The following CENPN variants were observed in gnomAD, a reference collection of about 807,000 sequenced individuals.
CENPN encodes interphase centromere complex protein 32.
Under a neutral mutation model 48.6 loss-of-function variants are expected in CENPN, and 36 were observed. The observed-to-expected ratio is 0.74, with a 90% CI of 0.57 to 0.98. The LOEUF (loss-of-function observed/expected upper bound fraction) is 0.98, where lower values mean the gene tolerates loss of function less well. CENPN is among the 50% of genes least tolerant of loss of function. The pLI is 0.00. For synonymous variants in CENPN, 166 were observed against 135.2 expected, an observed-to-expected ratio of 1.23 and a Z score of -1.58; for missense variants, 439 against 399.2, an observed-to-expected ratio of 1.10 and a Z score of -0.85.
intron 9 of CENPN, among the ~76,000 whole-genome samples, chr16:81,027,106 A>G (rs1418944653): frequency 1.3e-5 from 2 of 152,008 alleles, no homozygotes; most frequent in Non-Finnish European, 2.9e-5. Flanking sequence ...CCATAAGTTG[A>G]TAATTATTTT....
chr16:81,011,178 G>A (rs188726841), intron 1 of CENPN, among the ~76,000 whole-genome samples: 3 of 152,238 alleles, frequency 2.0e-5, no homozygotes, highest in African/African-American at 7.2e-5. Flanking sequence ...TTTTGCACAT[G>A]CTGTTCCTTC....
chr16:81,012,206 T>G, intron 2 of CENPN, 96 bp downstream of exon 2: 2 of 1,101,758 alleles, frequency 1.8e-6, no homozygotes, highest in South Asian at 3.2e-5. Context: ...GTAAGGTAGC[T>G]GCTAAACTAC....
intron 3 of CENPN, 193 bp from the exon 4 acceptor site, chr16:81,017,133 A>C (rs1264909886): frequency 1.9e-5 from 9 of 472,300 alleles, no homozygotes; most frequent in Non-Finnish European, 3.3e-5. Context: ...AGTTGAATTA[A>C]GTAATTATGA....
intron 3 of CENPN, among the ~76,000 whole-genome samples, chr16:81,016,176 GT>G (rs1361246102): frequency 2.0e-5 from 3 of 151,988 alleles, no homozygotes; most frequent in Non-Finnish European, 4.4e-5. Flanking sequence ...CCTGAAAGGT[GT>G]TTTCTGTCAT....
Position 81,014,197 on chromosome 16 carries a change from T to C in CENPN, c.217+16T>C, listed in dbSNP as rs2151680256. On this transcript the variant is annotated intron_variant, in intron 3 of 10. Coordinates refer to ENST00000305850, the MANE Select transcript of CENPN (RefSeq NM_001100624.3). ...GACATCATTTGTAAGTGTCAGTGAT[T>C]TGTATTTATACTTAACCAATCAGTT... The C allele has an allele frequency of 6.2e-7, 1 of 1,606,442 alleles. No individual in the cohort carries two copies. Among genetic ancestry groups the C allele is most frequent in the Middle Eastern group, 1.7e-4 (1 of 6,046 alleles).
intron 9 of CENPN, 21 bp from the exon 10 acceptor site, chr16:81,028,150 T>G: frequency 6.4e-7 from 1 of 1,554,274 alleles, no homozygotes; most frequent in South Asian, 1.1e-5. Context: ...TTAATAGTCA[T>G]TTATAAATGT....
chr16:81,007,318 G>A (rs1969457569), intron 1 of CENPN, 41 bp downstream of exon 1: 1 of 152,676 alleles, frequency 6.5e-6, no homozygotes, highest in East Asian at 1.9e-4. Context: ...GCCCCGGAGG[G>A]TGTGGGGCCT....
chr16:81,018,173 C>T (rs996077328), intron 5 of CENPN, among the ~76,000 whole-genome samples: 2 of 145,108 alleles, frequency 1.4e-5, no homozygotes, highest in Non-Finnish European at 1.5e-5. Context: ...AATTTTTAAT[C>T]TTTTTTTTTT....
chr16:81,023,862 C>T (rs919778522), intron 7 of CENPN: 4 of 152,194 alleles, frequency 2.6e-5, no homozygotes, highest in Non-Finnish European at 5.9e-5. Context: ...GGGCGGATCA[C>T]AAAGTCAGGA....
intron 6 of CENPN, 45 bp downstream of exon 6, chr16:81,020,321 C>T (rs1453065704): frequency 1.3e-6 from 2 of 1,551,712 alleles, no homozygotes; most frequent in African/African-American, 2.8e-5. Context: ...ATTATCCTAT[C>T]TCAAAGGTCT....
At chr16:81,026,159 A>ATATATATGTGTGTG (rs1567555462) in intron 8 of CENPN, among the ~76,000 whole-genome samples, 2 of 110,896 alleles carry the variant, frequency 1.8e-5, no homozygotes, top group African/African-American at 6.3e-5. Context: ...ATATATGTGT[A>ATATATATGTGTGTG]TATATATGTG....
chr16:81,028,145 A>G (rs534295880), intron 9 of CENPN, 26 bp from the exon 10 acceptor site: 192 of 1,510,228 alleles, frequency 1.3e-4, no homozygotes, highest in Non-Finnish European at 1.7e-4. Flanking sequence ...TATGTTTAAT[A>G]GTCATTTATA....
intron 3 of CENPN, among the ~76,000 whole-genome samples, chr16:81,016,378 A>T (rs1208282313): frequency 6.6e-6 from 1 of 152,204 alleles, no homozygotes; most frequent in East Asian, 1.9e-4. Flanking sequence ...CACGCAGTTA[A>T]GTTTAGACCT....
chr16:81,032,616 C>G, downstream of CENPN: 1 of 1,613,600 alleles, frequency 6.2e-7, no homozygotes, highest in Non-Finnish European at 8.5e-7. Context: ...CTGGAAGCCA[C>G]AGTCAAGGGA....
At position 81,028,657 on chromosome 16, in the gene CENPN, G is replaced by A. The variant is rs1342738996; in HGVS notation, c.*6G>A. The A allele has an allele frequency of 9.9e-6, 16 of 1,609,140 alleles. No individual in the cohort carries two copies. The highest frequency in any genetic ancestry group is 1.4e-5 in the Non-Finnish European group (16 of 1,178,928). On this transcript the variant is annotated 3_prime_UTR_variant, in exon 11 of 11. Transcript: ENST00000305850. ...TTAAAATTAGAGATAAATAAGACGT[G>A]CGTGGTTTCTTAAGCACAGCTCCTC...
Position 81,011,915 on chromosome 16 carries a change from T to G in CENPN, c.-10-15T>G, listed in dbSNP as rs913773080. ...TTGGTTAATACTTTGTTGTGCTGTT[T>G]TTGTTTTGTAAAAGTGCCAAAGAGA... On this transcript the variant is annotated splice_polypyrimidine_tract_variant and intron_variant, in intron 1 of 10. Coordinates refer to ENST00000305850, the MANE Select transcript of CENPN (RefSeq NM_001100624.3). 6.2e-7 allele frequency: 1 copy of G among 1,606,840 alleles called. No individual in the cohort carries two copies. The highest frequency in any genetic ancestry group is 8.5e-7 in the Non-Finnish European group (1 of 1,174,290).
intron 9 of CENPN, among the ~76,000 whole-genome samples, chr16:81,027,261 C>T (rs1244682143): frequency 1.3e-5 from 2 of 152,058 alleles, no homozygotes; most frequent in Non-Finnish European, 2.9e-5. Flanking sequence ...GAGGCTGAGG[C>T]GGGCGGATCC....
intron 8 of CENPN, among the ~76,000 whole-genome samples, chr16:81,026,017 TA>T (rs551886703): frequency 6.7e-6 from 1 of 148,572 alleles, no homozygotes; most frequent in Non-Finnish European, 1.5e-5. Context: ...CCCCATCTCT[TA>T]AAAAAAATAC....
intron 1 of CENPN, 65 bp from the exon 2 acceptor site, chr16:81,011,865 A>G (rs1285293103): frequency 6.7e-6 from 9 of 1,351,700 alleles, no homozygotes; most frequent in Non-Finnish European, 9.4e-6. Context: ...GTGTATGTGT[A>G]AATAAAGACA....
Sources: allele counts gnomAD v4.1 joint callset (sites outside exome capture counted in the v4.1 genomes callset), GRCh38; gene constraint gnomAD v4.1.1; transcripts MANE v1.5; gene names NCBI Gene and HGNC (gene_info 2026-07-23, HGNC 2026-07-21).